NEDD4L: variants seen among roughly 807,000 people sequenced by gnomAD.
NEDD4L encodes the protein NEDD4 like E3 ubiquitin protein ligase, also known as E3 ubiquitin-protein ligase NEDD4-like.
NEDD4L carries 54 observed loss-of-function variants against 148.9 expected under a neutral mutation model. The ratio of observed to expected loss-of-function variants is 0.36; its 90% CI spans 0.29 to 0.45. The LOEUF (loss-of-function observed/expected upper bound fraction) is 0.45. NEDD4L is among the 20% of genes least tolerant of loss of function. NEDD4L has a pLI of 1.00. For missense variants in NEDD4L, 856 were observed against 1,233.8 expected (o/e 0.69, Z 4.59); for synonymous variants, 433 against 440.7 (o/e 0.98, Z 0.22).
At chr18:58,294,992 A>G (rs1411161689) in intron 5 of NEDD4L, among the ~76,000 whole-genome samples, 1 of 152,130 alleles carries the variant, frequency 6.6e-6, no homozygotes, top group Non-Finnish European at 1.5e-5. Context: ...TCAGAGCATA[A>G]TTGAGAGGAA....
chr18:58,343,987 C>T (rs577988666), intron 16 of NEDD4L, among the ~76,000 whole-genome samples: 2 of 152,158 alleles, frequency 1.3e-5, no homozygotes, highest in Non-Finnish European at 2.9e-5. Context: ...ATCGAATTGT[C>T]TAGCTAGAGT....
intron 1 of NEDD4L, among the ~76,000 whole-genome samples, chr18:58,089,966 A>G (rs987416330): frequency 1.3e-5 from 2 of 151,650 alleles, no homozygotes; most frequent in Admixed American, 1.3e-4. Context: ...CAGCCTCCTG[A>G]GTAGCTGGGA....
In NEDD4L at chr18:58,256,150, C is replaced by A. The variant is rs1360512651; in HGVS notation, c.297+4096C>A. On this transcript the variant is annotated intron_variant, in intron 5 of 30. Coordinates refer to ENST00000400345, the MANE Select transcript of NEDD4L (RefSeq NM_001144967.3). The surrounding 1 kb of genome is among the most constrained non-coding windows in gnomAD (Gnocchi z 5.2). ...CAGGGCTCCAGGTCAACGGCACGTG[C>A]GGCCGCCGCGTGCGGTGCTCCGGCC... 1 of 1,221,010 alleles carries A rather than the reference C, an allele frequency of 8.2e-7. No homozygotes were observed. The highest frequency in any genetic ancestry group is 1.0e-6 in the Non-Finnish European group (1 of 981,322). The allele number at this position is 1,221,010 out of a possible 1,614,324, so 75.6% of individuals were successfully genotyped here.
intron 2 of NEDD4L, among the ~76,000 whole-genome samples, chr18:58,182,509 C>CT (rs568506761): frequency 0.038 from 4,179 of 111,414 alleles, 172 homozygotes; most frequent in East Asian, 0.081. Context: ...GCATTGATAC[C>CT]TTTTTTTTTT....
intron 7 of NEDD4L, 38 bp from the exon 8 acceptor site, chr18:58,323,194 C>A (rs887082481): frequency 4.7e-6 from 6 of 1,269,240 alleles, no homozygotes; most frequent in Non-Finnish European, 6.8e-6. Flanking sequence ...TTTGAAGTCA[C>A]AACCCTTCTA....
intron 25 of NEDD4L, among the ~76,000 whole-genome samples, chr18:58,385,301 A>T (rs1198910593): frequency 6.6e-6 from 1 of 152,174 alleles, no homozygotes; most frequent in East Asian, 1.9e-4. Flanking sequence ...ATGTGGGGGA[A>T]GTTAATTACT....
chr18:58,109,574 T>TTTTTG (rs1295353983), intron 1 of NEDD4L, among the ~76,000 whole-genome samples: 5 of 145,244 alleles, frequency 3.4e-5, no homozygotes, highest in Non-Finnish European at 6.1e-5. Flanking sequence ...TTTTTTTTGT[T>TTTTTG]TTTTTTTTTT....
chr18:58,364,166 T>C, intron 19 of NEDD4L, 102 bp from the exon 20 acceptor site: 1 of 723,420 alleles, frequency 1.4e-6, no homozygotes, highest in South Asian at 1.7e-5. Context: ...AGTGAGAATT[T>C]ACGGTTTATG....
At chr18:58,324,850 A>C (rs1601257695) in intron 8 of NEDD4L, 146 bp from the exon 9 acceptor site, 1 of 709,604 alleles carries the variant, frequency 1.4e-6, no homozygotes, top group Admixed American at 2.4e-5. Flanking sequence ...TTCATTTGGG[A>C]ATTTACTCAA....
chr18:58,281,594 A>G (rs1019886237), intron 5 of NEDD4L, among the ~76,000 whole-genome samples: 1 of 152,124 alleles, frequency 6.6e-6, no homozygotes, highest in Non-Finnish European at 1.5e-5. Context: ...TATTAACAAG[A>G]GCACGGTATT....
intron 1 of NEDD4L, among the ~76,000 whole-genome samples, chr18:58,153,091 C>T (rs2035000532): frequency 1.3e-5 from 2 of 152,202 alleles, no homozygotes; most frequent in African/African-American, 4.8e-5. Context: ...TGGCCTCAGG[C>T]TGCATCGCCC....
intron 5 of NEDD4L, chr18:58,255,863 C>A (rs2048459104): frequency 1.6e-6 from 2 of 1,232,346 alleles, no homozygotes. Context: ...CATGTTCATC[C>A]CGCAGCTCTT....
intron 18 of NEDD4L, among the ~76,000 whole-genome samples, chr18:58,352,722 G>A (rs1332649674): frequency 1.3e-5 from 2 of 152,308 alleles, no homozygotes; most frequent in African/African-American, 2.4e-5. Context: ...TTTAAGACAG[G>A]TGTGAATAAT....
chr18:58,112,817 T>C (rs553383252), intron 1 of NEDD4L, among the ~76,000 whole-genome samples: 4 of 152,188 alleles, frequency 2.6e-5, no homozygotes, highest in Non-Finnish European at 5.9e-5. Flanking sequence ...TAATATAATG[T>C]GAAATCATGT....
intron 1 of NEDD4L, among the ~76,000 whole-genome samples, chr18:58,051,568 G>T (rs2081872662): frequency 6.6e-6 from 1 of 152,162 alleles, no homozygotes; most frequent in Non-Finnish European, 1.5e-5. Flanking sequence ...GATAGATTAA[G>T]AGCCAATTAA....
Position 58,387,695 on chromosome 18 carries a change from A to G in NEDD4L, c.2547+197A>G, listed in dbSNP as rs1345520089. On this transcript the variant is annotated intron_variant, in intron 27 of 30. Transcript: ENST00000400345. ...TGTCTCTTATGGGGCTTGTTTGCCA[A>G]TGTAGGAGTAAGGAACAGCAAAAAT... The G allele has an allele frequency of 5.1e-6, 3 of 588,440 alleles. No individual in the cohort carries two copies. In the African/African-American group the frequency reaches 5.8e-5, roughly 11 times the overall value. 36.5% of individuals were successfully genotyped at this position (588,440 alleles called of 1,614,324 possible). A position where few individuals can be genotyped will look rare whatever the true frequency, so the allele number is the denominator to read the frequency against.
chr18:58,149,277 C>A, intron 1 of NEDD4L: 1 of 729,186 alleles, frequency 1.4e-6, no homozygotes, highest in Non-Finnish European at 1.9e-6. Flanking sequence ...ACCTTGGTGT[C>A]CAGGTGGCAG....
At chr18:58,391,664 AG>A in intron 30 of NEDD4L, 105 bp downstream of exon 30, 3 of 765,132 alleles carry the variant, frequency 3.9e-6, no homozygotes, top group Non-Finnish European at 6.6e-6. Context: ...GTCTGTAAGT[AG>A]CTTAGAGAAT....
chr18:58,064,157 G>A (rs1043658207), intron 1 of NEDD4L, among the ~76,000 whole-genome samples: 8 of 151,514 alleles, frequency 5.3e-5, no homozygotes, highest in Admixed American at 5.3e-4. Flanking sequence ...GTAGAGACGG[G>A]GTTTCACCGT....
Sources: allele counts gnomAD v4.1 joint callset (sites outside exome capture counted in the v4.1 genomes callset), GRCh38; gene constraint gnomAD v4.1.1; non-coding constraint Gnocchi (gnomAD v3.1); transcripts MANE v1.5; gene names NCBI Gene and HGNC (gene_info 2026-07-23, HGNC 2026-07-21).